The following BOD1L1 variants were observed in gnomAD, a reference collection of about 807,000 sequenced individuals.
BOD1L1 encodes biorientation of chromosomes in cell division protein 1-like 1.
In BOD1L1, 86 loss-of-function variants were observed where a neutral mutation model predicts 240.7. The ratio of observed to expected loss-of-function variants is 0.36; its 90% CI spans 0.30 to 0.43. The LOEUF (loss-of-function observed/expected upper bound fraction) is 0.43, where lower values mean the gene tolerates loss of function less well. BOD1L1 is among the 20% of genes least tolerant of loss of function. BOD1L1 has a pLI of 1.00. For synonymous variants in BOD1L1, 1,268 were observed against 1,272.3 expected (o/e 1.00, Z 0.07); for missense variants, 3,554 against 3,643.5 (o/e 0.98, Z 0.63).
At chr4:13,589,506 G>C (rs950512956) in intron 14 of BOD1L1, among the ~76,000 whole-genome samples, 6 of 152,218 alleles carry the variant, frequency 3.9e-5, no homozygotes, top group African/African-American at 1.4e-4. Context: ...GAACGCTGCT[G>C]AATGAGCAAA....
At position 13,582,781 on chromosome 4, in the gene BOD1L1, C is replaced by G. The variant is rs1326236948; in HGVS notation, c.8434-45G>C. 4 of 1,350,882 alleles carry G rather than the reference C, an allele frequency of 3.0e-6. 1 individual carries two copies. The South Asian group carries it at 3.7e-5, about 13-fold the overall frequency. The allele number at this position is 1,350,882 out of a possible 1,614,324, so 83.7% of individuals were successfully genotyped here. A position where few individuals can be genotyped will look rare whatever the true frequency, so the allele number is the denominator to read the frequency against. On this transcript the variant is annotated intron_variant, in intron 17 of 25. Coordinates refer to ENST00000040738, the MANE Select transcript of BOD1L1 (RefSeq NM_148894.3). ...GACTAGAACCTTCTTCAAACTGAAG[C>G]CTTCGTCCATTCATCCTCCCCACAC...
At chr4:13,581,687 G>A (rs765749206) in intron 19 of BOD1L1, among the ~76,000 whole-genome samples, 1 of 152,172 alleles carries the variant, frequency 6.6e-6, no homozygotes, top group African/African-American at 2.4e-5. Flanking sequence ...ATGGTGCTCA[G>A]TCTCAAGCCA....
intron 1 of BOD1L1, among the ~76,000 whole-genome samples, chr4:13,622,941 C>G (rs941514994): frequency 1.3e-5 from 2 of 152,170 alleles, no homozygotes; most frequent in African/African-American, 2.4e-5. Context: ...GCATACCTAC[C>G]TCACCTCTTG....
chr4:13,606,763 G>A lies in BOD1L1; in HGVS notation c.1815+354C>T, dbSNP rs571407033. 2.6e-5 allele frequency among the ~76,000 whole-genome samples: 4 copies of A among 152,274 alleles called. No homozygotes were observed. The East Asian group carries it at 7.7e-4, about 29-fold the overall frequency. ...AAAAATTATGTGGACCCGTGGATAA[G>A]GAATGAGAGGGAATAAAAAGGATAA... On this transcript the variant is annotated intron_variant, in intron 9 of 25. Transcript: ENST00000040738.
chr4:13,608,897 G>A (rs1715941573), intron 7 of BOD1L1, among the ~76,000 whole-genome samples: 1 of 152,134 alleles, frequency 6.6e-6, no homozygotes, highest in Non-Finnish European at 1.5e-5. Context: ...CATAGGATTA[G>A]TGCCCAGAGG....
chr4:13,610,192 G>A (rs539953102), intron 6 of BOD1L1, among the ~76,000 whole-genome samples: 1 of 152,246 alleles, frequency 6.6e-6, no homozygotes, highest in East Asian at 1.9e-4. Flanking sequence ...ATATACATAT[G>A]TAACAATAAG....
intron 19 of BOD1L1, 100 bp from the exon 20 acceptor site, chr4:13,581,307 AG>A (rs2108892455): frequency 1.3e-6 from 1 of 799,586 alleles, no homozygotes; most frequent in East Asian, 2.7e-5. Flanking sequence ...TTCCTGTCTA[AG>A]AGACCTCAAA....
chr4:13,583,210 C>T (rs1259475741), intron 17 of BOD1L1, among the ~76,000 whole-genome samples: 1 of 152,100 alleles, frequency 6.6e-6, no homozygotes, highest in Non-Finnish European at 1.5e-5. Context: ...AAATTATCCC[C>T]CCATAGTGGC....
rs1229993705 is a variant in BOD1L1 at position 13,602,176 on chromosome 4, T to C, written c.4724A>G (p.His1575Arg). The C allele has an allele frequency of 1.2e-6, 2 of 1,613,866 alleles. No homozygotes were observed. Among genetic ancestry groups the C allele is most frequent in the Non-Finnish European group, 1.7e-6 (2 of 1,179,818 alleles). ...IGTHSRNNPLHVGAEASECTV... is the reference protein window; with the variant it reads ...IGTHSRNNPLRVGAEASECTV... ...GCATTCACTGGCTTCTGCACCAACA[T>C]GAAGAGGATTATTTCTGGAATGTGT... Residue 1575 changes from histidine (H) to arginine (R), a missense_variant, in exon 10 of 26, where the codon CAT (histidine) becomes CGT (arginine). Transcript: ENST00000040738.
chr4:13,593,914 T>A lies in BOD1L1; in HGVS notation c.8104+1946A>T, dbSNP rs138133618. ...GACTTAAGTCAACTAGTAAGCTACA[T>A]TCCTCTGGTCACAGTAATTCGTTTA... On this transcript the variant is annotated intron_variant, in intron 12 of 25. Coordinates refer to ENST00000040738, the MANE Select transcript of BOD1L1 (RefSeq NM_148894.3). Among the ~76,000 whole-genome samples the A allele has an allele frequency of 2.1e-3, 315 of 152,318 alleles. 4 individuals are homozygous for A. The highest frequency in any genetic ancestry group is 3.2e-3 in the Non-Finnish European group (217 of 68,032).
At chr4:13,577,376 C>T in intron 24 of BOD1L1, 27 bp downstream of exon 24, 1 of 1,601,412 alleles carries the variant, frequency 6.2e-7, no homozygotes, top group Non-Finnish European at 8.5e-7. Context: ...AACAATAAGA[C>T]TTATTAAGAA....
At position 13,587,725 on chromosome 4, in the gene BOD1L1, T is replaced by A. The variant is rs1329656607; in HGVS notation, c.8327A>T (p.His2776Leu). ...TGGTTCATCTTCTGAAGAGAGATAA[T>A]GCTGCTTTCTTTTTCTTTTAGGCAT... Reference protein sequence around the residue: ...RHMPKRKRKQHYLSSEDEPDD... With the variant: ...RHMPKRKRKQLYLSSEDEPDD... The change falls in exon 16 of 26, where the codon CAT (histidine) becomes CTT (leucine). Residue 2776 changes from histidine to leucine, a missense_variant. By Grantham distance (99) the His-to-Leu change is moderately conservative. Coordinates refer to ENST00000040738, the MANE Select transcript of BOD1L1 (RefSeq NM_148894.3). The A allele has an allele frequency of 1.9e-5, 30 of 1,560,144 alleles. No individual in the cohort carries two copies. Among genetic ancestry groups the A allele is most frequent in the Non-Finnish European group, 2.4e-5 (28 of 1,149,486 alleles).
chr4:13,614,684 G>C lies in BOD1L1; in HGVS notation c.686C>G (p.Thr229Ser). ...RASTETSNAK[T>S]SERASKKLPS... The stretch of plus-strand genomic sequence containing the variant: ...AAGTTTTTTTGACGCTCTCTCACTG[G>C]TCTTGGCATTTGATGTTTCTGTTGA... The change falls in exon 4 of 26, where the codon ACC becomes AGC. Residue 229 changes from threonine (T) to serine (S), a missense_variant. By Grantham distance (58) the Thr-to-Ser change is moderately conservative (BLOSUM62 1). Coordinates refer to ENST00000040738, the MANE Select transcript of BOD1L1 (RefSeq NM_148894.3). The C allele has an allele frequency of 6.2e-7, 1 of 1,613,870 alleles. No homozygotes were observed. Among genetic ancestry groups the C allele is most frequent in the Non-Finnish European group, 8.5e-7 (1 of 1,179,864 alleles).
At chr4:13,588,511 C>A (rs1713908755) in intron 15 of BOD1L1, among the ~76,000 whole-genome samples, 1 of 152,134 alleles carries the variant, frequency 6.6e-6, no homozygotes, top group African/African-American at 2.4e-5. Context: ...TCTGACTGTA[C>A]AACGTGGGCA....
Position 13,601,656 on chromosome 4 carries a change from C to T in BOD1L1, c.5244G>A (p.Gly1748=), listed in dbSNP as rs770044304. ...NFVICSVTGA[G]PREERMVTGA... ...CTGTAACCATGCGTTCCTCCCGGGG[C>T]CCTGCTCCAGTTACTGAGCAGATCA... is the stretch of plus-strand genomic sequence containing the variant. The change falls in exon 10 of 26, where the codon GGG becomes GGA. Residue 1748 remains glycine (G), a synonymous_variant. Coordinates refer to ENST00000040738, the MANE Select transcript of BOD1L1 (RefSeq NM_148894.3). The T allele has an allele frequency of 6.2e-7, 1 of 1,613,874 alleles. No homozygotes were observed. The highest frequency in any genetic ancestry group is 1.3e-5 in the African/African-American group (1 of 74,904).
chr4:13,586,637 A>C (rs77896184), intron 16 of BOD1L1, among the ~76,000 whole-genome samples, 162 bp from the exon 17 acceptor site: 2,777 of 152,370 alleles, frequency 0.018, 45 homozygotes, highest in Middle Eastern at 0.088. Flanking sequence ...TTGAGCACTG[A>C]ACACTTGCCT....
chr4:13,605,583 T>C (rs562736286), intron 9 of BOD1L1, among the ~76,000 whole-genome samples: 215 of 152,264 alleles, frequency 1.4e-3, no homozygotes, highest in African/African-American at 4.7e-3. Context: ...ATTCTTCAAT[T>C]CTGAATCACT....
intron 1 of BOD1L1, chr4:13,624,575 T>C (rs1210811781): frequency 6.6e-6 from 1 of 152,090 alleles, no homozygotes; most frequent in Non-Finnish European, 1.5e-5. Flanking sequence ...TGTGCCACCA[T>C]ACATGGCTAC....
chr4:13,601,483 C>T lies in BOD1L1; in HGVS notation c.5417G>A (p.Cys1806Tyr), dbSNP rs748964694. 2.5e-6 allele frequency: 4 copies of T among 1,614,026 alleles called. No individual in the cohort carries two copies. The highest frequency in any genetic ancestry group is 1.1e-5 in the South Asian group (1 of 91,080). ...ITEDGEGPAS[C>Y]TGSEDSSEGF... ...TTCGCTGCTATCTTCTGAACCTGTG[C>T]AACTTGCTGGCCCCTCTCCATCTTC... Residue 1806 changes from cysteine (C) to tyrosine (Y), a missense_variant, in exon 10 of 26, where the codon TGC becomes TAC. Cys to Tyr is a radical substitution (Grantham distance 194). This residue lies in a region of BOD1L1 where 3,393 missense variants were observed against 3,427.1 expected (regional missense o/e 0.99). Coordinates refer to ENST00000040738, the MANE Select transcript of BOD1L1 (RefSeq NM_148894.3).
Sources: gnomAD v4.1 joint callset for allele counts (sites outside exome capture counted in the v4.1 genomes callset) on GRCh38, gnomAD v4.1.1 for gene constraint, gnomAD v4.1.1 regional missense constraint, MANE v1.5 for transcripts, NCBI Gene and HGNC (gene_info 2026-07-23, HGNC 2026-07-21) for gene names.